FGD2: variants seen among roughly 807,000 people sequenced by gnomAD.
The protein encoded by FGD2 is FYVE, RhoGEF and PH domain containing 2, also known as FYVE, RhoGEF and PH domain-containing protein 2.
FGD2 carries 52 observed loss-of-function variants against 75.9 expected under a neutral mutation model. The observed-to-expected ratio is 0.69, with a 90% CI of 0.55 to 0.86. The LOEUF is 0.86. FGD2 is among the 40% of genes least tolerant of loss of function. The probability of loss-of-function intolerance (pLI) is 0.00; values close to 1 mark genes in which losing one functional copy is unlikely to be tolerated. For missense variants in FGD2, 790 were observed against 872.0 expected (o/e 0.91, Z 1.18); for synonymous variants, 347 against 348.6 (o/e 1.00, Z 0.05).
chr6:37,014,237 A>G (rs1236307923), intron 6 of FGD2, 137 bp downstream of exon 6: 2 of 1,078,456 alleles, frequency 1.9e-6, no homozygotes, highest in Admixed American at 2.8e-5. Flanking sequence ...GACATCATCC[A>G]TACCATTAGC....
In FGD2 at chr6:37,025,873, TAC is replaced by T. The variant is rs1392441644; in HGVS notation, c.1541_1542del (p.Tyr514CysfsTer10). On this transcript the variant is annotated frameshift_variant, in exon 14 of 16. Transcript: ENST00000274963. LOFTEE classifies it high-confidence loss of function. The stretch of plus-strand genomic sequence containing the variant: ...GCCCAACCGAGTCTGCCTCCACTGC[TAC>T]GCATTCCTCACTGGAAATGTGCTGC... ...NRPNRVCLHC[Y>X]AFLTGNVLPE... The T allele has an allele frequency of 5.6e-6, 9 of 1,614,194 alleles. No homozygotes were observed. Among genetic ancestry groups the T allele is most frequent in the Non-Finnish European group, 6.8e-6 (8 of 1,180,030 alleles).
chr6:37,028,461 C>T lies in FGD2; in HGVS notation c.*298C>T, dbSNP rs372067218. 4.2e-5 allele frequency: 16 copies of T among 379,570 alleles called. No homozygotes were observed. Among genetic ancestry groups the T allele is most frequent in the African/African-American group, 3.2e-4 (16 of 49,362 alleles). 23.5% of individuals were successfully genotyped at this position (379,570 alleles called of 1,614,324 possible). On this transcript the variant is annotated 3_prime_UTR_variant, in exon 16 of 16. Transcript: ENST00000274963. ...CAGGTAACCCCGGACTGGTGGTCAC[C>T]ATAGTATGGTTTTTCATTTGTATCT...
rs542216976 is a variant in FGD2, at chr6:37,005,690, A to G, written c.-128A>G. ...CAAGAGCCGACCTTCTGAGCCCTCA[A>G]GAAAGATCAGAACAGATTCATGGGT... On this transcript the variant is annotated 5_prime_UTR_variant, in exon 1 of 16. Transcript: ENST00000274963. 3,294 of 1,011,512 alleles carry G rather than the reference A, an allele frequency of 3.3e-3. 6 individuals carry two copies. The highest frequency in any genetic ancestry group is 3.9e-3 in the Non-Finnish European group (2,593 of 663,984). The allele number at this position is 1,011,512 out of a possible 1,614,324, so 62.7% of individuals were successfully genotyped here. A position where few individuals can be genotyped will look rare whatever the true frequency, so the allele number is the denominator to read the frequency against.
intron 12 of FGD2, 60 bp downstream of exon 12, chr6:37,021,664 T>C: frequency 6.9e-7 from 1 of 1,451,412 alleles, no homozygotes; most frequent in Non-Finnish European, 9.5e-7. Context: ...GCTTGTTCCC[T>C]CTCTGTTCTG....
At chr6:37,023,976 G>C (rs560248566) in intron 13 of FGD2, 1 of 152,282 alleles carries the variant, frequency 6.6e-6, no homozygotes, top group South Asian at 2.1e-4. Context: ...TCTTTCTGGG[G>C]TAAAATAAAG....
intron 8 of FGD2, 87 bp from the exon 9 acceptor site, chr6:37,015,681 C>A: frequency 8.1e-7 from 1 of 1,230,720 alleles, no homozygotes; most frequent in Non-Finnish European, 1.2e-6. Flanking sequence ...TGGTGCTCAG[C>A]CCATGCTCGG....
chr6:37,025,714 C>G, intron 13 of FGD2, 78 bp from the exon 14 acceptor site: 3 of 1,548,402 alleles, frequency 1.9e-6, no homozygotes, highest in Non-Finnish European at 2.7e-6. Flanking sequence ...TCTCATGCCC[C>G]CACCTGCCCA....
At chr6:37,006,089 T>A (rs757976005) in intron 1 of FGD2, among the ~76,000 whole-genome samples, 28 of 152,172 alleles carry the variant, frequency 1.8e-4, no homozygotes, top group Non-Finnish European at 2.9e-4. Flanking sequence ...CCAGTGTGTG[T>A]TGGGAGAGTC....
intron 9 of FGD2, 32 bp downstream of exon 9, chr6:37,015,892 A>T: frequency 6.5e-7 from 1 of 1,544,880 alleles, no homozygotes; most frequent in Admixed American, 2.0e-5. Flanking sequence ...ACTGGGCTCC[A>T]CCTCAAGGGT....
chr6:37,005,956 T>G, intron 1 of FGD2, 71 bp downstream of exon 1: 1 of 1,550,826 alleles, frequency 6.4e-7, no homozygotes, highest in Non-Finnish European at 8.8e-7. Flanking sequence ...CTGGCAGCTC[T>G]CTCCCTGGGC....
intron 9 of FGD2, 117 bp from the exon 10 acceptor site, chr6:37,020,424 T>TG (rs1373592556): frequency 2.1e-6 from 2 of 970,328 alleles, no homozygotes; most frequent in African/African-American, 3.2e-5. Context: ...TCTGCATCCC[T>TG]GTCTCTCGAA....
Position 37,010,991 on chromosome 6 carries a change from G to C in FGD2, c.319G>C (p.Val107Leu). The C allele has an allele frequency of 6.2e-7, 1 of 1,614,102 alleles. No individual in the cohort carries two copies. The highest frequency in any genetic ancestry group is 8.5e-7 in the Non-Finnish European group (1 of 1,179,998). The change falls in exon 3 of 16, where the codon GTC (valine) becomes CTC (leucine). Residue 107 changes from valine to leucine, a missense_variant. Transcript: ENST00000274963. ...TCCGCAGGAGCCAGAGAAGAAGATCGTCCAGGAGCTGCTGGAGACAGAGCA... is the reference window on the plus strand; with the variant it reads ...TCCGCAGGAGCCAGAGAAGAAGATCCTCCAGGAGCTGCTGGAGACAGAGCA... The part of the protein sequence containing the change: ...SGTQEPEKKI[V>L]QELLETEQAY...
At position 37,011,746 on chromosome 6, in the gene FGD2, A is replaced by G; in HGVS notation, c.419A>G (p.Lys140Arg). ...CTGCTGAAGACAGCCCGCAGCAGCA[A>G]GGCCTTCCCAGAGGATGTGGTCAGG... ...QELLKTARSS[K>R]AFPEDVVRVI... The change falls in exon 4 of 16, where the codon AAG (lysine) becomes AGG (arginine). Residue 140 changes from lysine (K) to arginine (R), a missense_variant. Physicochemically the swap from Lys to Arg is conservative, Grantham distance 26. Transcript: ENST00000274963. 6.2e-7 allele frequency: 1 copy of G among 1,614,166 alleles called. No individual in the cohort carries two copies. Among genetic ancestry groups the G allele is most frequent in the Non-Finnish European group, 8.5e-7 (1 of 1,180,020 alleles).
intron 9 of FGD2, among the ~76,000 whole-genome samples, chr6:37,016,927 A>G (rs1765328243): frequency 6.6e-6 from 1 of 152,188 alleles, no homozygotes; most frequent in East Asian, 1.9e-4. Context: ...AAAAATATAT[A>G]CAATGAAAGT....
chr6:37,008,729 T>G, intron 1 of FGD2, 105 bp from the exon 2 acceptor site: 1 of 1,098,962 alleles, frequency 9.1e-7, no homozygotes, highest in Non-Finnish European at 1.3e-6. Flanking sequence ...CAGGGGCCCC[T>G]GCACTGGGGA....
At chr6:37,015,694 C>A in intron 8 of FGD2, 74 bp from the exon 9 acceptor site, 1 of 1,403,342 alleles carries the variant, frequency 7.1e-7, no homozygotes, top group Non-Finnish European at 9.8e-7. Context: ...ATGCTCGGCC[C>A]ACCCTCGGGG....
chr6:37,011,536 T>A, intron 3 of FGD2, 170 bp from the exon 4 acceptor site: 1 of 851,258 alleles, frequency 1.2e-6, no homozygotes, highest in Non-Finnish European at 1.9e-6. Flanking sequence ...ATCTGTAAAG[T>A]GGCCAGAACA....
chr6:37,020,472 C>G, intron 9 of FGD2, 69 bp from the exon 10 acceptor site: 4 of 1,442,518 alleles, frequency 2.8e-6, no homozygotes, highest in Non-Finnish European at 3.8e-6. Flanking sequence ...CCTCCCTCCC[C>G]TCCACAGTGC....
intron 11 of FGD2, among the ~76,000 whole-genome samples, 192 bp downstream of exon 11, chr6:37,020,931 T>C (rs1351050821): frequency 6.6e-6 from 1 of 150,702 alleles, no homozygotes; most frequent in South Asian, 2.1e-4. Flanking sequence ...TATGCATGTG[T>C]GTGCATCTGT....
Sources: gnomAD v4.1 joint callset for allele counts (sites outside exome capture counted in the v4.1 genomes callset) on GRCh38, gnomAD v4.1.1 for gene constraint, MANE v1.5 for transcripts, NCBI Gene and HGNC (gene_info 2026-07-23, HGNC 2026-07-21) for gene names.